The following LRP1B variants were observed in gnomAD, a reference collection of about 807,000 sequenced individuals.
The protein encoded by LRP1B is low-density lipoprotein receptor-related protein 1B.
A neutral mutation model predicts 556.6 loss-of-function variants in LRP1B; 217 were observed. That is an observed-to-expected ratio of 0.39 (90% CI 0.35 to 0.44). LRP1B has a LOEUF of 0.44. Among genes scored for constraint, LRP1B ranks in the 20% least tolerant of loss-of-function variants. LRP1B has a pLI of 1.00. For missense variants in LRP1B, 5,053 were observed against 5,620.8 expected (o/e 0.90, Z 3.23); for synonymous variants, 2,047 against 1,865.8 (o/e 1.10, Z -2.50).
chr2:141,690,440 T>TATATATATATAA, intron 2 of LRP1B, among the ~76,000 whole-genome samples: 1 of 132,810 alleles, frequency 7.5e-6, no homozygotes, highest in African/African-American at 2.8e-5. Context: ...TATATATATA[T>TATATATATATAA]AATTACAAAT....
At chr2:141,071,666 C>CA (rs1699647258) in intron 7 of LRP1B, among the ~76,000 whole-genome samples, 1 of 152,112 alleles carries the variant, frequency 6.6e-6, no homozygotes, top group Non-Finnish European at 1.5e-5. Context: ...TCTCAGGATA[C>CA]AAAATCAATG....
intron 6 of LRP1B, among the ~76,000 whole-genome samples, chr2:141,202,567 C>T (rs1682082069): frequency 1.3e-5 from 2 of 151,974 alleles, no homozygotes; most frequent in Admixed American, 1.3e-4. Context: ...TCTCTGCAAC[C>T]TCGCCAGCGT....
At chr2:141,605,199 G>C (rs1687875810) in intron 2 of LRP1B, among the ~76,000 whole-genome samples, 1 of 152,040 alleles carries the variant, frequency 6.6e-6, no homozygotes, top group Non-Finnish European at 1.5e-5. Flanking sequence ...TCTGCAGCCT[G>C]TTTTGTATGA....
chr2:141,962,511 A>G (rs1701429857), intron 1 of LRP1B, among the ~76,000 whole-genome samples: 1 of 151,802 alleles, frequency 6.6e-6, no homozygotes, highest in Non-Finnish European at 1.5e-5. Flanking sequence ...CAAATATTCA[A>G]CTACAACCTA....
intron 3 of LRP1B, among the ~76,000 whole-genome samples, chr2:141,374,996 T>A (rs1280982354): frequency 6.6e-6 from 1 of 152,208 alleles, no homozygotes; most frequent in African/African-American, 2.4e-5. Context: ...GTAGCAGTCA[T>A]TTGTTCCTAT....
chr2:140,404,434 T>C (rs778647860), intron 66 of LRP1B, among the ~76,000 whole-genome samples: 21 of 151,842 alleles, frequency 1.4e-4, no homozygotes, highest in Non-Finnish European at 2.2e-4. Context: ...GGCCTCCCAA[T>C]GTGCTGGGAT....
intron 1 of LRP1B, among the ~76,000 whole-genome samples, chr2:141,984,028 T>G (rs1456514878): frequency 1.3e-5 from 2 of 152,028 alleles, no homozygotes; most frequent in African/African-American, 4.8e-5. Flanking sequence ...ACCATTGCAC[T>G]CCACTCTGGG....
chr2:142,046,431 A>G (rs1374121559), intron 1 of LRP1B, among the ~76,000 whole-genome samples: 1 of 151,944 alleles, frequency 6.6e-6, no homozygotes, highest in African/African-American at 2.4e-5. Flanking sequence ...AGCTAACAGA[A>G]TCCACTGAGC....
intron 53 of LRP1B, among the ~76,000 whole-genome samples, chr2:140,504,416 C>G (rs774904903): frequency 3.9e-4 from 60 of 152,160 alleles, no homozygotes; most frequent in Admixed American, 8.5e-4. Flanking sequence ...CTCTCCTGTT[C>G]CATTCTAAAA....
In LRP1B at chr2:140,886,895, G is replaced by GT. The variant is rs1019589081; in HGVS notation, c.3767-561dup. On this transcript the variant is annotated intron_variant, in intron 23 of 90. Coordinates refer to ENST00000389484, the MANE Select transcript of LRP1B (RefSeq NM_018557.3). ...ATAACTATATCATTCCTCACTTGGT[G>GT]TTTTTTAGCCTGAAACAGGCCTGGG... Among the ~76,000 whole-genome samples the GT allele has an allele frequency of 5.3e-5, 8 of 152,218 alleles. No individual in the cohort carries two copies. In the East Asian group the frequency reaches 1.5e-3, roughly 29 times the overall value.
At chr2:141,018,486 C>G (rs372802608) in intron 12 of LRP1B, among the ~76,000 whole-genome samples, 11 of 152,046 alleles carry the variant, frequency 7.2e-5, no homozygotes, top group East Asian at 3.9e-4. Context: ...ATCTGGATAC[C>G]TACAAACTTG....
chr2:140,640,920 T>G (rs10166217), intron 41 of LRP1B, among the ~76,000 whole-genome samples: 77,919 of 151,950 alleles, frequency 0.51, 22,651 homozygotes, highest in Non-Finnish European at 0.66. Context: ...TATCTTCTGC[T>G]TCTGTGACCA....
intron 68 of LRP1B, among the ~76,000 whole-genome samples, chr2:140,375,982 C>A (rs1277680446): frequency 6.6e-6 from 1 of 151,584 alleles, no homozygotes; most frequent in Non-Finnish European, 1.5e-5. Flanking sequence ...TGAGAGTATT[C>A]TGTGTGTAAT....
At chr2:141,936,907 T>C (rs1308460428) in intron 1 of LRP1B, among the ~76,000 whole-genome samples, 6 of 97,734 alleles carry the variant, frequency 6.1e-5, no homozygotes, top group African/African-American at 2.8e-4. Context: ...CACACATTAG[T>C]TTTTTTTTTT....
rs181867350 is a variant in LRP1B, at chr2:140,451,317, A to G, written c.9964-656T>C. Among the ~76,000 whole-genome samples the G allele has an allele frequency of 7.7e-4, 118 of 152,340 alleles. 1 individual carries two copies. Among genetic ancestry groups the G allele is most frequent in the Admixed American group, 6.9e-3 (105 of 15,298 alleles). On this transcript the variant is annotated intron_variant, in intron 62 of 90. Coordinates refer to ENST00000389484, the MANE Select transcript of LRP1B (RefSeq NM_018557.3). ...AGAGACCCTGTGGCCTGAAAAGCCTACAATATTTACTATCTGGCCCTTTAC... is the reference window on the plus strand; with the variant it reads ...AGAGACCCTGTGGCCTGAAAAGCCTGCAATATTTACTATCTGGCCCTTTAC...
intron 1 of LRP1B, among the ~76,000 whole-genome samples, chr2:141,994,146 G>A (rs1433447549): frequency 6.6e-6 from 1 of 152,148 alleles, no homozygotes; most frequent in Admixed American, 6.6e-5. Flanking sequence ...GAATGTGCCT[G>A]TTCAGAGATC....
At chr2:142,121,645 G>T (rs1054249467) in intron 1 of LRP1B, among the ~76,000 whole-genome samples, 1 of 152,044 alleles carries the variant, frequency 6.6e-6, no homozygotes, top group Non-Finnish European at 1.5e-5. Context: ...CAATTGCATT[G>T]TCCTCAGTCA....
At chr2:140,532,608 G>A (rs1401245130) in intron 47 of LRP1B, among the ~76,000 whole-genome samples, 5 of 151,778 alleles carry the variant, frequency 3.3e-5, no homozygotes, top group Non-Finnish European at 7.4e-5. Context: ...TGTTGACCAG[G>A]ATGGTCTCAA....
In LRP1B at chr2:142,065,730, C is replaced by T. The variant is rs949342500; in HGVS notation, c.82+64918G>A. ...TTTGGCCTCAAACTGTTTACATTTG[C>T]CACAAATGAAAAACACCTTCACCCC... On this transcript the variant is annotated intron_variant, in intron 1 of 90. Coordinates refer to ENST00000389484, the MANE Select transcript of LRP1B (RefSeq NM_018557.3). Among the ~76,000 whole-genome samples, 3 of 151,306 alleles carry T rather than the reference C, an allele frequency of 2.0e-5. 1 individual carries two copies. Among genetic ancestry groups the T allele is most frequent in the Admixed American group, 6.6e-5 (1 of 15,108 alleles).
Sources: gnomAD v4.1 joint callset for allele counts (sites outside exome capture counted in the v4.1 genomes callset) on GRCh38, gnomAD v4.1.1 for gene constraint, MANE v1.5 for transcripts, NCBI Gene and HGNC (gene_info 2026-07-23, HGNC 2026-07-21) for gene names.